Variants in SPOCK1 observed in about 807,000 individuals in gnomAD.
The protein encoded by SPOCK1 is SPARC (osteonectin), cwcv and kazal like domains proteoglycan 1.
SPOCK1 carries 23 observed loss-of-function variants against 55.3 expected under a neutral mutation model. The ratio of observed to expected loss-of-function variants is 0.42; its 90% CI spans 0.30 to 0.59. The LOEUF (loss-of-function observed/expected upper bound fraction) is 0.59. Ranked by LOEUF, SPOCK1 falls within the 20% of genes least tolerant of loss-of-function variation. The pLI is 0.22. For missense variants in SPOCK1, 499 were observed against 552.5 expected, an observed-to-expected ratio of 0.90 and a Z score of 0.97; for synonymous variants, 226 against 221.0, an observed-to-expected ratio of 1.02 and a Z score of -0.20.
intron 3 of SPOCK1, among the ~76,000 whole-genome samples, chr5:137,207,740 G>A (rs2127079792): frequency 6.6e-6 from 1 of 152,230 alleles, no homozygotes; most frequent in South Asian, 2.1e-4. Context: ...GTGCTGGAGG[G>A]TTAAATAAGA....
Position 136,977,097 on chromosome 5 carries a change from A to G in SPOCK1, c.*1557T>C, listed in dbSNP as rs565095016. ...CTGATTCTGATTAGGACACCCTGAT[A>G]AATGAAAATCAGTGGCGGACAGTAG... On this transcript the variant is annotated 3_prime_UTR_variant, in exon 11 of 11. Coordinates refer to ENST00000394945, the MANE Select transcript of SPOCK1 (RefSeq NM_004598.4). The G allele has an allele frequency of 6.6e-6, 1 of 152,364 alleles. No individual in the cohort carries two copies. Among genetic ancestry groups the G allele is most frequent in the Admixed American group, 6.5e-5 (1 of 15,308 alleles). 9.4% of individuals were successfully genotyped at this position (152,364 alleles called of 1,614,324 possible).
chr5:137,072,509 T>G (rs530924584), intron 5 of SPOCK1, among the ~76,000 whole-genome samples: 1 of 152,324 alleles, frequency 6.6e-6, no homozygotes, highest in East Asian at 1.9e-4. Context: ...TACTTAAAAA[T>G]AAATGTGCTA....
At chr5:137,373,159 T>G (rs1239462461) in intron 2 of SPOCK1, among the ~76,000 whole-genome samples, 2 of 152,188 alleles carry the variant, frequency 1.3e-5, no homozygotes, top group Admixed American at 6.5e-5. Context: ...TTTCTATTCA[T>G]TGTAAATTAC....
intron 4 of SPOCK1, among the ~76,000 whole-genome samples, chr5:137,121,523 G>A (rs375087559): frequency 3.3e-5 from 5 of 149,736 alleles, no homozygotes; most frequent in African/African-American, 1.2e-4. Flanking sequence ...TTGAATCAAC[G>A]TTTCCCTGTA....
chr5:137,128,935 G>A (rs551415282), intron 4 of SPOCK1, among the ~76,000 whole-genome samples: 4 of 152,250 alleles, frequency 2.6e-5, no homozygotes, highest in South Asian at 2.1e-4. Context: ...TGAGGATATC[G>A]TTAGGATTTC....
chr5:137,092,528 C>A (rs1471298611), intron 5 of SPOCK1, among the ~76,000 whole-genome samples: 1 of 152,206 alleles, frequency 6.6e-6, no homozygotes, highest in African/African-American at 2.4e-5. Flanking sequence ...CAGGTGAGGT[C>A]AGACGTTCTC....
chr5:137,114,578 A>T (rs1753542272), intron 4 of SPOCK1, among the ~76,000 whole-genome samples: 2 of 152,154 alleles, frequency 1.3e-5, no homozygotes, highest in East Asian at 3.9e-4. Context: ...TTCATCAAAC[A>T]TACGGTACTC....
chr5:137,327,844 A>C (rs1227049141), intron 2 of SPOCK1, among the ~76,000 whole-genome samples: 3 of 152,236 alleles, frequency 2.0e-5, no homozygotes, highest in Non-Finnish European at 4.4e-5. Context: ...TGTCTGTTCT[A>C]GAGTGGGCCT....
At position 137,312,871 on chromosome 5, in the gene SPOCK1, C is replaced by G. The variant is rs739695; in HGVS notation, c.187-45816G>C. Among the ~76,000 whole-genome samples, 6 of 152,184 alleles carry G rather than the reference C, an allele frequency of 3.9e-5. No homozygotes were observed. In the South Asian group the frequency reaches 1.2e-3, roughly 32 times the overall value. The stretch of plus-strand genomic sequence containing the variant: ...ATTCCTTTGTGTTAGGAGGACTTCT[C>G]TGAAGACTAAATGCTACTGGAGGAG... On this transcript the variant is annotated intron_variant, in intron 2 of 10. Transcript: ENST00000394945.
intron 2 of SPOCK1, among the ~76,000 whole-genome samples, chr5:137,346,362 C>G (rs369586275): frequency 4.6e-5 from 7 of 152,278 alleles, no homozygotes; most frequent in African/African-American, 1.4e-4. Flanking sequence ...TCCTGAATGG[C>G]TAATTTAAAT....
At chr5:137,090,011 C>A (rs183379603) in intron 5 of SPOCK1, among the ~76,000 whole-genome samples, 1 of 152,308 alleles carries the variant, frequency 6.6e-6, no homozygotes, top group East Asian at 1.9e-4. Context: ...GCACTAGGAT[C>A]TAACACTAGA....
chr5:136,999,764 G>A (rs1751113584), intron 6 of SPOCK1, among the ~76,000 whole-genome samples: 1 of 152,202 alleles, frequency 6.6e-6, no homozygotes, highest in African/African-American at 2.4e-5. Flanking sequence ...GAAGTGGCGA[G>A]CAAGTGTGAG....
intron 3 of SPOCK1, among the ~76,000 whole-genome samples, chr5:137,224,664 C>T (rs192766477): frequency 7.2e-5 from 11 of 152,330 alleles, no homozygotes; most frequent in Admixed American, 5.9e-4. Context: ...CTCATACACA[C>T]GGCTTCATGA....
At chr5:137,342,025 G>A (rs768282149) in intron 2 of SPOCK1, among the ~76,000 whole-genome samples, 3 of 152,250 alleles carry the variant, frequency 2.0e-5, no homozygotes, top group Non-Finnish European at 2.9e-5. Flanking sequence ...GCTGCGGTGT[G>A]TGGGTACACA....
At chr5:137,404,661 A>T (rs4976432) in intron 2 of SPOCK1, among the ~76,000 whole-genome samples, 1 of 150,822 alleles carries the variant, frequency 6.6e-6, no homozygotes, top group Non-Finnish European at 1.5e-5. Flanking sequence ...CTTGTGATAC[A>T]CCTGCTTCAG....
intron 10 of SPOCK1, 95 bp from the exon 11 acceptor site, chr5:136,978,939 G>A (rs888747635): frequency 4.0e-5 from 53 of 1,328,782 alleles, no homozygotes; most frequent in Non-Finnish European, 5.3e-5. Flanking sequence ...GTAAAACCAA[G>A]CAGTTTACTT....
intron 5 of SPOCK1, among the ~76,000 whole-genome samples, chr5:137,082,004 G>A (rs547212726): frequency 6.6e-6 from 1 of 152,234 alleles, no homozygotes; most frequent in African/African-American, 2.4e-5. Flanking sequence ...CCCAGAGCCT[G>A]ATGAAAGGAG....
chr5:137,030,032 A>G (rs1287513974), intron 6 of SPOCK1, among the ~76,000 whole-genome samples: 8 of 152,248 alleles, frequency 5.3e-5, no homozygotes, highest in African/African-American at 1.9e-4. Context: ...CTGTGGGTCA[A>G]AAATGTCCCC....
chr5:137,344,329 C>G (rs1005617514), intron 2 of SPOCK1, among the ~76,000 whole-genome samples: 2 of 152,220 alleles, frequency 1.3e-5, no homozygotes, highest in Non-Finnish European at 2.9e-5. Context: ...AAAGCCAGAA[C>G]GTTTTATTCT....
Sources: gnomAD v4.1 joint callset for allele counts (sites outside exome capture counted in the v4.1 genomes callset) on GRCh38, gnomAD v4.1.1 for gene constraint, MANE v1.5 for transcripts, NCBI Gene and HGNC (gene_info 2026-07-23, HGNC 2026-07-21) for gene names.